Variants in CADM4 observed in about 807,000 individuals in gnomAD.
CADM4 encodes TSLC1-like 2.
CADM4 carries 13 observed loss-of-function variants against 43.9 expected under a neutral mutation model. The observed-to-expected ratio is 0.30, with a 90% CI of 0.19 to 0.47. The LOEUF is 0.47. CADM4 is among the 20% of genes least tolerant of loss of function. The probability of loss-of-function intolerance (pLI) is 1.00; values close to 1 mark genes in which losing one functional copy is unlikely to be tolerated. For missense variants in CADM4, 420 were observed against 527.0 expected, an observed-to-expected ratio of 0.80 and a Z score of 1.99; for synonymous variants, 209 against 220.9, an observed-to-expected ratio of 0.95 and a Z score of 0.48.
chr19:43,641,009 C>T (rs1476433910), upstream of CADM4, among the ~76,000 whole-genome samples: 1 of 145,164 alleles, frequency 6.9e-6, no homozygotes, highest in African/African-American at 2.5e-5. Flanking sequence ...CGCTCTGTTG[C>T]CCAGGCTGGA....
chr19:43,627,512 C>A lies in CADM4; in HGVS notation c.211+132G>T. ...CCTCCTGCCTGCAGGACCAGCAGTC[C>A]GGGACCCCAGCCCTTTCTTCTCCGA... is the stretch of plus-strand genomic sequence containing the variant. On this transcript the variant is annotated intron_variant, in intron 2 of 8. Coordinates refer to ENST00000222374, the MANE Select transcript of CADM4 (RefSeq NM_145296.2). This position sits in a 1 kb window ranked among gnomAD's most constrained non-coding sequence, Gnocchi z 4.0. 8.0e-7 allele frequency: 1 copy of A among 1,247,660 alleles called. No individual in the cohort carries two copies. Among genetic ancestry groups the A allele is most frequent in the African/African-American group, 1.5e-5 (1 of 66,024 alleles). The allele number at this position is 1,247,660 out of a possible 1,614,324, so 77.3% of individuals were successfully genotyped here. A position where few individuals can be genotyped will look rare whatever the true frequency, so the allele number is the denominator to read the frequency against.
chr19:43,635,638 C>T (rs1973691739), intron 1 of CADM4, among the ~76,000 whole-genome samples: 1 of 151,064 alleles, frequency 6.6e-6, no homozygotes, highest in Non-Finnish European at 1.5e-5. Flanking sequence ...ACCCCAGCCT[C>T]CTCCTCCCTC....
rs779839993 is a variant in CADM4 at position 43,623,352 on chromosome 19, C to T, written c.1145G>A (p.Arg382Lys). Residue 382 changes from arginine to lysine, a missense_variant, in exon 9 of 9, where the codon AGG becomes AAG. Arg to Lys is a conservative substitution (Grantham distance 26). Coordinates refer to ENST00000222374, the MANE Select transcript of CADM4 (RefSeq NM_145296.2). This position sits in a 1 kb window ranked among gnomAD's most constrained non-coding sequence, Gnocchi z 4.4. ...AFLNGSDGHK[R>K]KEEFFI Reference sequence around the variant, plus strand: ...GGGTCAGATGAAGAATTCCTCTTTCCTCTTGTGTCCGTCGCTGCCATTGAG... The same window carrying T: ...GGGTCAGATGAAGAATTCCTCTTTCTTCTTGTGTCCGTCGCTGCCATTGAG... 5 of 1,614,096 alleles carry T rather than the reference C, an allele frequency of 3.1e-6. No homozygotes were observed. In the South Asian group the frequency reaches 3.3e-5, roughly 11 times the overall value.
rs1425865914 is a variant in CADM4, at chr19:43,626,208, C to T, written c.580G>A (p.Gly194Ser). 3.1e-6 allele frequency: 5 copies of T among 1,613,836 alleles called. No homozygotes were observed. Among genetic ancestry groups the T allele is most frequent in the Admixed American group, 1.7e-5 (1 of 60,014 alleles). The change falls in exon 5 of 9, where the codon GGT becomes AGT. Residue 194 changes from glycine to serine, a missense_variant. Gly to Ser is a moderately conservative substitution (Grantham distance 56). Coordinates refer to ENST00000222374, the MANE Select transcript of CADM4 (RefSeq NM_145296.2). The surrounding 1 kb of genome is among the most constrained non-coding windows in gnomAD (Gnocchi z 5.9). ...TGCGCCTCACAGATGATGATACCAC[C>T]GTCGTCCTTACGGTCCACACGAAAC... ...VRFRVDRKDD[G>S]GIIICEAQNQ...
intron 1 of CADM4, among the ~76,000 whole-genome samples, chr19:43,630,281 C>CTTTTTTTTTTTTTTTTTT (rs59489315): frequency 5.4e-5 from 4 of 73,442 alleles, no homozygotes; most frequent in Non-Finnish European, 7.3e-5. Context: ...TTTTTCTTTT[C>CTTTTTTTTTTTTTTTTTT]TTTTTTTTTT....
rs8101956 is a variant in CADM4 at position 43,628,066 on chromosome 19, T to C, written c.65-276A>G. On this transcript the variant is annotated intron_variant, in intron 1 of 8. Transcript: ENST00000222374. The stretch of plus-strand genomic sequence containing the variant: ...AGAGCAAGGGAGGACTATTATAGAA[T>C]TGCCTAGAGAGATGGGTAGCCAGAG... Among the ~76,000 whole-genome samples, 50,266 of 151,884 alleles carry C rather than the reference T, an allele frequency of 0.33. 8,476 individuals carry two copies. Among genetic ancestry groups the C allele is most frequent in the African/African-American group, 0.38 (15,540 of 41,414 alleles).
chr19:43,637,837 T>C (rs923791867), intron 1 of CADM4, among the ~76,000 whole-genome samples: 4 of 152,156 alleles, frequency 2.6e-5, no homozygotes, highest in East Asian at 3.8e-4. Context: ...GACGTCAAGA[T>C]GCTAGCATGC....
At chr19:43,632,830 T>G (rs1335305001) in intron 1 of CADM4, among the ~76,000 whole-genome samples, 1 of 151,972 alleles carries the variant, frequency 6.6e-6, no homozygotes, top group African/African-American at 2.4e-5. Context: ...ACGCCTGTAA[T>G]ACCAGCACTT....
chr19:43,632,367 C>T (rs1158073511), intron 1 of CADM4, among the ~76,000 whole-genome samples: 1 of 152,228 alleles, frequency 6.6e-6, no homozygotes, highest in Non-Finnish European at 1.5e-5. Flanking sequence ...GTCTGCATCC[C>T]TGTCTGCCTC....
chr19:43,635,275 TCCTC>T (rs1973685290), intron 1 of CADM4, among the ~76,000 whole-genome samples: 1 of 151,660 alleles, frequency 6.6e-6, no homozygotes, highest in East Asian at 1.9e-4. Context: ...CCTTCCCCCT[TCCTC>T]CCTTAGGGAG....
intron 1 of CADM4, among the ~76,000 whole-genome samples, chr19:43,638,201 G>A (rs1260003706): frequency 2.0e-5 from 3 of 152,222 alleles, no homozygotes; most frequent in Admixed American, 1.3e-4. Context: ...GGATGGCTCT[G>A]CCTCAAACCC....
intron 1 of CADM4, among the ~76,000 whole-genome samples, chr19:43,636,620 G>C (rs1973707747): frequency 6.6e-6 from 1 of 151,978 alleles, no homozygotes; most frequent in Non-Finnish European, 1.5e-5. Flanking sequence ...CCCTCCCAGA[G>C]AGAGAAAGCT....
upstream of CADM4, chr19:43,639,857 C>G (rs975690031): frequency 1.0e-5 from 10 of 976,724 alleles, no homozygotes; most frequent in East Asian, 1.2e-4. Flanking sequence ...CGCCGCCCGC[C>G]CCGCCCCCCG....
intron 1 of CADM4, among the ~76,000 whole-genome samples, chr19:43,630,035 AGCTG>A (rs1973593904): frequency 6.6e-6 from 1 of 151,818 alleles, no homozygotes; most frequent in Admixed American, 6.6e-5. Flanking sequence ...CCTCCCCAGT[AGCTG>A]GAACTACAGG....
chr19:43,631,912 T>A (rs549235145), intron 1 of CADM4, among the ~76,000 whole-genome samples: 2 of 152,268 alleles, frequency 1.3e-5, no homozygotes, highest in South Asian at 2.1e-4. Context: ...TTTATTTTTT[T>A]AATTTATTTT....
upstream of CADM4, among the ~76,000 whole-genome samples, chr19:43,641,158 G>A (rs1407911435): frequency 1.3e-5 from 2 of 152,116 alleles, no homozygotes; most frequent in Admixed American, 1.3e-4. Flanking sequence ...TAGTAGAGAC[G>A]GAGTTTTGCC....
intron 1 of CADM4, among the ~76,000 whole-genome samples, chr19:43,630,929 A>G (rs1383387970): frequency 2.6e-5 from 4 of 152,230 alleles, no homozygotes; most frequent in Non-Finnish European, 2.9e-5. Context: ...GGTTGCATTC[A>G]TTCAGGAGTA....
At position 43,627,142 on chromosome 19, in the gene CADM4, G is replaced by C. The variant is rs747687661; in HGVS notation, c.364+24C>G. 6.5e-7 allele frequency: 1 copy of C among 1,540,688 alleles called. No homozygotes were observed. Among genetic ancestry groups the C allele is most frequent in the African/African-American group, 1.4e-5 (1 of 72,606 alleles). ...CAGAGAAGAAAGGAGGAGAGGATGCGTCTGACAAGGGGGAGGGCGTTACCT... is the reference window on the plus strand; with the variant it reads ...CAGAGAAGAAAGGAGGAGAGGATGCCTCTGACAAGGGGGAGGGCGTTACCT... On this transcript the variant is annotated intron_variant, in intron 3 of 8. Coordinates refer to ENST00000222374, the MANE Select transcript of CADM4 (RefSeq NM_145296.2). The surrounding 1 kb of genome is among the most constrained non-coding windows in gnomAD (Gnocchi z 4.0).
intron 1 of CADM4, among the ~76,000 whole-genome samples, chr19:43,628,574 T>C (rs1023705839): frequency 6.6e-6 from 1 of 152,202 alleles, no homozygotes; most frequent in Admixed American, 6.5e-5. Flanking sequence ...TATTCTCCTG[T>C]CCCTGGACAT....
Sources: allele counts gnomAD v4.1 joint callset (sites outside exome capture counted in the v4.1 genomes callset), GRCh38; gene constraint gnomAD v4.1.1; non-coding constraint Gnocchi (gnomAD v3.1); transcripts MANE v1.5; gene names NCBI Gene and HGNC (gene_info 2026-07-23, HGNC 2026-07-21).